PCDH9: variants seen among roughly 807,000 people sequenced by gnomAD.
PCDH9 encodes the protein protocadherin-9.
A neutral mutation model predicts 70.6 loss-of-function variants in PCDH9; 24 were observed. The ratio of observed to expected loss-of-function variants is 0.34; its 90% confidence interval spans 0.25 to 0.48. The LOEUF is 0.48. Among genes scored for constraint, PCDH9 ranks in the 20% least tolerant of loss-of-function variants. The pLI, the probability that PCDH9 is intolerant of heterozygous loss-of-function variation, is 0.99. For synonymous variants in PCDH9, 562 were observed against 558.5 expected, an observed-to-expected ratio of 1.01 and a Z score of -0.09; for missense variants, 1,281 against 1,503.6, an observed-to-expected ratio of 0.85 and a Z score of 2.45.
At chr13:66,982,324 T>C (rs775020458) in intron 2 of PCDH9, among the ~76,000 whole-genome samples, 2 of 152,216 alleles carry the variant, frequency 1.3e-5, no homozygotes, top group Non-Finnish European at 2.9e-5. Flanking sequence ...TTTATAGCAA[T>C]GCATAAATGG....
intron 4 of PCDH9, among the ~76,000 whole-genome samples, chr13:66,492,421 A>T (rs1357459460): frequency 6.7e-6 from 1 of 148,830 alleles, no homozygotes; most frequent in Admixed American, 6.7e-5. Flanking sequence ...CATATATGTA[A>T]CCTAGTTAAT....
At chr13:66,650,359 A>G (rs1454071459) in intron 3 of PCDH9, among the ~76,000 whole-genome samples, 2 of 152,076 alleles carry the variant, frequency 1.3e-5, no homozygotes, top group Non-Finnish European at 2.9e-5. Context: ...TTTAAAGACA[A>G]AAACTCTAAA....
At chr13:67,009,142 G>A (rs1347733250) in intron 2 of PCDH9, among the ~76,000 whole-genome samples, 2 of 152,024 alleles carry the variant, frequency 1.3e-5, no homozygotes, top group Non-Finnish European at 2.9e-5. Context: ...TTAGGGCCTC[G>A]TTAAAACGCA....
chr13:66,439,242 T>G (rs868554919), intron 4 of PCDH9, among the ~76,000 whole-genome samples: 25 of 152,194 alleles, frequency 1.6e-4, no homozygotes, highest in African/African-American at 5.5e-4. Context: ...TTATCTGAGA[T>G]GGCCGCTTCT....
At chr13:66,867,062 G>A (rs1288275507) in intron 3 of PCDH9, among the ~76,000 whole-genome samples, 1 of 145,910 alleles carries the variant, frequency 6.9e-6, no homozygotes, top group Non-Finnish European at 1.5e-5. Context: ...GCTGAGGGCT[G>A]TATTGCTCTT....
At chr13:67,157,681 C>T (rs1206099484) in intron 2 of PCDH9, among the ~76,000 whole-genome samples, 1 of 152,078 alleles carries the variant, frequency 6.6e-6, no homozygotes, top group Non-Finnish European at 1.5e-5. Context: ...GAAAAAAATA[C>T]ATGTGAGTAA....
At chr13:66,463,064 A>G (rs1315930806) in intron 4 of PCDH9, among the ~76,000 whole-genome samples, 1 of 151,816 alleles carries the variant, frequency 6.6e-6, no homozygotes, top group Non-Finnish European at 1.5e-5. Context: ...CTCTCTCTTC[A>G]TATATATACA....
intron 3 of PCDH9, among the ~76,000 whole-genome samples, chr13:66,902,070 T>TA: frequency 6.6e-6 from 1 of 151,792 alleles, no homozygotes; most frequent in South Asian, 2.1e-4. Context: ...TGTTGGTAAT[T>TA]AATGGGAACA....
chr13:67,121,144 C>A (rs546725378), intron 2 of PCDH9, among the ~76,000 whole-genome samples: 1 of 152,212 alleles, frequency 6.6e-6, no homozygotes, highest in South Asian at 2.1e-4. Context: ...ATAATCTTTT[C>A]ATCTTTTTCT....
At chr13:67,105,010 A>T (rs1174689078) in intron 2 of PCDH9, among the ~76,000 whole-genome samples, 1 of 152,068 alleles carries the variant, frequency 6.6e-6, no homozygotes, top group African/African-American at 2.4e-5. Flanking sequence ...CTTGAACTCA[A>T]ATCTTCTCCC....
intron 2 of PCDH9, among the ~76,000 whole-genome samples, chr13:67,066,764 A>T (rs2085657020): frequency 6.6e-6 from 1 of 152,196 alleles, no homozygotes; most frequent in South Asian, 2.1e-4. Context: ...CATGAAATTT[A>T]ATAAGTCACT....
intron 4 of PCDH9, among the ~76,000 whole-genome samples, chr13:66,439,130 T>A (rs1266304468): frequency 6.6e-6 from 1 of 152,166 alleles, no homozygotes; most frequent in Non-Finnish European, 1.5e-5. Flanking sequence ...GTATGTAGCT[T>A]CCCTTCATCT....
At chr13:66,329,065 A>G (rs1260554719) in intron 4 of PCDH9, among the ~76,000 whole-genome samples, 5 of 152,160 alleles carry the variant, frequency 3.3e-5, no homozygotes, top group Non-Finnish European at 7.3e-5. Flanking sequence ...TAAATGCTGT[A>G]TTTTTGCTTT....
At chr13:66,420,515 C>A (rs1181996766) in intron 4 of PCDH9, among the ~76,000 whole-genome samples, 1 of 152,180 alleles carries the variant, frequency 6.6e-6, no homozygotes, top group African/African-American at 2.4e-5. Flanking sequence ...TGTTCTGCAG[C>A]CTCTGCTGGT....
At chr13:66,792,744 C>A (rs971821369) in intron 3 of PCDH9, among the ~76,000 whole-genome samples, 1 of 152,072 alleles carries the variant, frequency 6.6e-6, no homozygotes, top group African/African-American at 2.4e-5. Flanking sequence ...CTACAGATTA[C>A]CTTTGAAAAA....
intron 2 of PCDH9, among the ~76,000 whole-genome samples, chr13:67,197,574 C>G (rs1235054977): frequency 6.6e-6 from 1 of 151,902 alleles, no homozygotes; most frequent in Non-Finnish European, 1.5e-5. Context: ...GAACTTTGAT[C>G]TGCAATTTCA....
chr13:67,057,102 T>C (rs190628185), intron 2 of PCDH9, among the ~76,000 whole-genome samples: 27 of 152,244 alleles, frequency 1.8e-4, no homozygotes, highest in African/African-American at 6.5e-4. Flanking sequence ...ATTGGCTCAT[T>C]TGAAAACCAA....
intron 2 of PCDH9, among the ~76,000 whole-genome samples, chr13:67,062,083 T>C (rs2085549901): frequency 1.3e-5 from 2 of 152,262 alleles, no homozygotes; most frequent in East Asian, 1.9e-4. Flanking sequence ...TGATAAGGCA[T>C]GGGCCGAAGA....
intron 3 of PCDH9, among the ~76,000 whole-genome samples, chr13:66,750,609 CA>C (rs1481286872): frequency 6.6e-6 from 1 of 151,834 alleles, no homozygotes; most frequent in Non-Finnish European, 1.5e-5. Flanking sequence ...ATCATAAAAG[CA>C]TAAATTAGAA....
Sources: allele counts gnomAD v4.1 joint callset (sites outside exome capture counted in the v4.1 genomes callset), GRCh38; gene constraint gnomAD v4.1.1; transcripts MANE v1.5; gene names NCBI Gene and HGNC (gene_info 2026-07-23, HGNC 2026-07-21).